Variants in CDKAL1 observed in about 807,000 individuals in gnomAD.
CDKAL1 encodes CDKAL1 threonylcarbamoyladenosine tRNA methylthiotransferase, also known as threonylcarbamoyladenosine tRNA methylthiotransferase.
Under a neutral mutation model 68.2 loss-of-function variants are expected in CDKAL1, and 32 were observed. The observed-to-expected ratio is 0.47, with a 90% confidence interval of 0.35 to 0.63. The LOEUF (loss-of-function observed/expected upper bound fraction) is 0.63, where lower values mean the gene tolerates loss of function less well. Ranked by LOEUF, CDKAL1 falls within the 30% of genes least tolerant of loss-of-function variation. CDKAL1 has a pLI of 0.00. For missense variants in CDKAL1, 606 were observed against 696.7 expected, an observed-to-expected ratio of 0.87 and a Z score of 1.47; for synonymous variants, 234 against 244.3, an observed-to-expected ratio of 0.96 and a Z score of 0.39.
intron 13 of CDKAL1, among the ~76,000 whole-genome samples, chr6:21,165,532 T>C (rs571823680): frequency 2.3e-3 from 343 of 152,352 alleles, no homozygotes; most frequent in African/African-American, 7.8e-3. Context: ...TTCATTTTGC[T>C]TTACAGAGAA....
chr6:20,805,023 T>G (rs934546576), intron 8 of CDKAL1, among the ~76,000 whole-genome samples: 2 of 152,100 alleles, frequency 1.3e-5, no homozygotes, highest in African/African-American at 4.8e-5. Flanking sequence ...AGACCCTGCC[T>G]CTAAAAAACA....
chr6:21,116,443 T>C (rs1279999038), intron 13 of CDKAL1, among the ~76,000 whole-genome samples: 1 of 152,192 alleles, frequency 6.6e-6, no homozygotes, highest in Non-Finnish European at 1.5e-5. Flanking sequence ...ACATAACTCA[T>C]TTATCTTTAT....
In CDKAL1 at chr6:20,955,477, T is replaced by G. The variant is rs774176433; in HGVS notation, c.801T>G (p.Ile267Met). Reference protein sequence around the residue: ...SEDTGAYGRDIGTNLPTLLWK... With the variant: ...SEDTGAYGRDMGTNLPTLLWK... Reference sequence around the variant, plus strand: ...ACACGGGGGCTTATGGCAGAGATATTGGCACCAATCTCCCCACACTCCTGT... The same window carrying G: ...ACACGGGGGCTTATGGCAGAGATATGGGCACCAATCTCCCCACACTCCTGT... Residue 267 changes from isoleucine (I) to methionine (M), a missense_variant, in exon 10 of 16, where the codon ATT becomes ATG. Physicochemically the swap from Ile to Met is conservative, Grantham distance 10. Transcript: ENST00000274695. The G allele has an allele frequency of 6.2e-7, 1 of 1,614,150 alleles. No homozygotes were observed. Among genetic ancestry groups the G allele is most frequent in the African/African-American group, 1.3e-5 (1 of 75,054 alleles).
At chr6:21,172,807 G>C (rs1009459860) in intron 13 of CDKAL1, among the ~76,000 whole-genome samples, 23 of 152,064 alleles carry the variant, frequency 1.5e-4, no homozygotes, top group Non-Finnish European at 7.4e-5. Context: ...TTTTTTAGCA[G>C]GAAATTATTT....
intron 12 of CDKAL1, among the ~76,000 whole-genome samples, chr6:21,075,774 C>G (rs577798518): frequency 1.3e-5 from 2 of 151,938 alleles, no homozygotes; most frequent in Admixed American, 6.6e-5. Context: ...CTTGGTCTGC[C>G]TAGGAAAGGT....
At chr6:21,132,420 C>T (rs1775374667) in intron 13 of CDKAL1, among the ~76,000 whole-genome samples, 1 of 151,908 alleles carries the variant, frequency 6.6e-6, no homozygotes, top group Non-Finnish European at 1.5e-5. Flanking sequence ...TATTTTGGAA[C>T]TACATATTAA....
intron 14 of CDKAL1, among the ~76,000 whole-genome samples, chr6:21,198,843 G>A (rs1200958934): frequency 1.3e-5 from 2 of 152,184 alleles, no homozygotes; most frequent in African/African-American, 2.4e-5. Context: ...TCCTCCAGGT[G>A]GGAGAGCAAT....
intron 4 of CDKAL1, among the ~76,000 whole-genome samples, chr6:20,608,360 CTT>C (rs1464969687): frequency 6.6e-6 from 1 of 152,074 alleles, no homozygotes; most frequent in African/African-American, 2.4e-5. Flanking sequence ...AAATCTACTA[CTT>C]TTTAGTACTT....
intron 5 of CDKAL1, among the ~76,000 whole-genome samples, chr6:20,669,568 A>G (rs1769713361): frequency 6.6e-6 from 1 of 152,174 alleles, no homozygotes; most frequent in South Asian, 2.1e-4. Flanking sequence ...GCTTATACTA[A>G]TGAGAATGGT....
intron 10 of CDKAL1, among the ~76,000 whole-genome samples, chr6:20,973,213 A>G (rs1765677168): frequency 6.6e-6 from 1 of 152,218 alleles, no homozygotes; most frequent in Non-Finnish European, 1.5e-5. Context: ...CTCAAGAGTT[A>G]TCAGCTATAA....
At chr6:20,797,533 A>G (rs2150399432) in intron 8 of CDKAL1, among the ~76,000 whole-genome samples, 1 of 152,314 alleles carries the variant, frequency 6.6e-6, no homozygotes. Flanking sequence ...AAATCTGTGT[A>G]TGAATGTTTA....
chr6:21,148,020 G>A (rs1776259042), intron 13 of CDKAL1, among the ~76,000 whole-genome samples: 1 of 152,172 alleles, frequency 6.6e-6, no homozygotes, highest in South Asian at 2.1e-4. Context: ...AACCAAAAAA[G>A]TGTATTTCCT....
At chr6:21,210,324 T>C (rs1340922455) in intron 15 of CDKAL1, among the ~76,000 whole-genome samples, 1 of 152,186 alleles carries the variant, frequency 6.6e-6, no homozygotes, top group Non-Finnish European at 1.5e-5. Flanking sequence ...TGTTAGGAGC[T>C]GGAGCCTTTG....
intron 15 of CDKAL1, among the ~76,000 whole-genome samples, chr6:21,214,930 G>A (rs960123868): frequency 9.9e-5 from 15 of 151,916 alleles, no homozygotes; most frequent in Admixed American, 1.3e-4. Context: ...GGAGATATAT[G>A]TATACCCCTT....
intron 4 of CDKAL1, among the ~76,000 whole-genome samples, chr6:20,613,305 C>T (rs9350267): frequency 0.29 from 28,327 of 98,760 alleles, 5,116 homozygotes; most frequent in East Asian, 0.57. Flanking sequence ...GACGGAGTCT[C>T]GCTCTGTCAC....
chr6:20,652,487 C>T (rs1000103940), intron 5 of CDKAL1, among the ~76,000 whole-genome samples: 2 of 152,150 alleles, frequency 1.3e-5, no homozygotes, highest in Admixed American at 6.5e-5. Context: ...ATCTTATCTC[C>T]ATGGATCTTC....
chr6:20,637,449 C>T (rs906452206), intron 4 of CDKAL1, among the ~76,000 whole-genome samples: 1 of 151,110 alleles, frequency 6.6e-6, no homozygotes, highest in Non-Finnish European at 1.5e-5. Context: ...TGTAGTCCCA[C>T]CTACTCGGGA....
intron 13 of CDKAL1, among the ~76,000 whole-genome samples, chr6:21,132,676 T>C (rs1775388308): frequency 6.6e-6 from 1 of 152,308 alleles, no homozygotes. Flanking sequence ...CACTTCATTA[T>C]CCTTTTTTTA....
At chr6:20,709,234 G>A (rs1340862061) in intron 5 of CDKAL1, among the ~76,000 whole-genome samples, 1 of 152,058 alleles carries the variant, frequency 6.6e-6, no homozygotes, top group East Asian at 1.9e-4. Context: ...CCTGAACCTT[G>A]GCTGGTATTT....
Sources: allele counts gnomAD v4.1 joint callset (sites outside exome capture counted in the v4.1 genomes callset), GRCh38; gene constraint gnomAD v4.1.1; transcripts MANE v1.5; gene names NCBI Gene and HGNC (gene_info 2026-07-23, HGNC 2026-07-21).